SSU72: variants seen among roughly 807,000 people sequenced by gnomAD.
The protein encoded by SSU72 is RNA polymerase II subunit A C-terminal domain phosphatase SSU72.
Under a neutral mutation model 22.7 loss-of-function variants are expected in SSU72, and 12 were observed. That is an observed-to-expected ratio of 0.53 (90% CI 0.34 to 0.86). The LOEUF (loss-of-function observed/expected upper bound fraction) is 0.86. Among genes scored for constraint, SSU72 ranks in the 40% least tolerant of loss-of-function variants. The probability of loss-of-function intolerance (pLI) is 0.02; values close to 1 mark genes in which losing one functional copy is unlikely to be tolerated. For missense variants in SSU72, 151 were observed against 249.8 expected, an observed-to-expected ratio of 0.60 and a Z score of 2.67; for synonymous variants, 116 against 98.3, an observed-to-expected ratio of 1.18 and a Z score of -1.06.
chr1:1,552,086 G>T (rs549525829), intron 2 of SSU72, among the ~76,000 whole-genome samples: 16 of 152,346 alleles, frequency 1.1e-4, no homozygotes, highest in African/African-American at 3.8e-4. Context: ...TCTGCTACAC[G>T]TGTGCAGCAG....
At chr1:1,548,572 A>AAC (rs1553130678) in intron 2 of SSU72, among the ~76,000 whole-genome samples, 76 of 143,526 alleles carry the variant, frequency 5.3e-4, no homozygotes, top group East Asian at 2.6e-3. Flanking sequence ...AAAAAAAAAA[A>AAC]AAAACTCCCA....
At chr1:1,545,972 A>G in intron 2 of SSU72, 1 of 152,408 alleles carries the variant, frequency 6.6e-6, no homozygotes, top group Non-Finnish European at 1.5e-5. Context: ...GAACGCTGAC[A>G]CACACCGGCC....
chr1:1,572,963 C>A (rs1177377196), intron 1 of SSU72, among the ~76,000 whole-genome samples: 2 of 151,080 alleles, frequency 1.3e-5, no homozygotes, highest in African/African-American at 4.9e-5. Flanking sequence ...GAAGATCCAG[C>A]ACAATGTAAT....
At chr1:1,559,231 A>T (rs186984450) in intron 2 of SSU72, among the ~76,000 whole-genome samples, 11 of 152,298 alleles carry the variant, frequency 7.2e-5, no homozygotes, top group Non-Finnish European at 1.0e-4. Context: ...GAATGAGCAG[A>T]CCTGTAGCAC....
intron 2 of SSU72, among the ~76,000 whole-genome samples, chr1:1,557,583 C>T (rs1642536433): frequency 6.6e-6 from 1 of 152,076 alleles, no homozygotes; most frequent in Non-Finnish European, 1.5e-5. Flanking sequence ...CACCGGAGGT[C>T]AGGTGTTTTG....
chr1:1,571,959 T>C (rs746820759), intron 1 of SSU72, among the ~76,000 whole-genome samples: 83 of 151,082 alleles, frequency 5.5e-4, no homozygotes, highest in Non-Finnish European at 1.0e-3. Flanking sequence ...TATGCCGGGG[T>C]CATTTTTTTG....
At chr1:1,546,397 A>C (rs1642389213) in intron 2 of SSU72, 1 of 152,182 alleles carries the variant, frequency 6.6e-6, no homozygotes, top group Admixed American at 6.5e-5. Context: ...TGCACATTGG[A>C]GTCCCGCCTG....
At chr1:1,555,474 T>C (rs147616425) in intron 2 of SSU72, among the ~76,000 whole-genome samples, 3 of 152,130 alleles carry the variant, frequency 2.0e-5, no homozygotes, top group Non-Finnish European at 2.9e-5. Flanking sequence ...AGGTGGCGGC[T>C]GTGGCAGGCA....
Position 1,543,860 on chromosome 1 carries a change from G to T in SSU72, c.483+9C>A. 6.2e-7 allele frequency: 1 copy of T among 1,607,402 alleles called. No individual in the cohort carries two copies. The highest frequency in any genetic ancestry group is 8.5e-7 in the Non-Finnish European group (1 of 1,175,098). ...CTCTGCCCAGCGCGGCGCCCAGCCGGGTACTTACACACTGGCAGAGCTCAC... is the reference window on the plus strand; with the variant it reads ...CTCTGCCCAGCGCGGCGCCCAGCCGTGTACTTACACACTGGCAGAGCTCAC... On this transcript the variant is annotated intron_variant, in intron 4 of 4. Coordinates refer to ENST00000291386, the MANE Select transcript of SSU72 (RefSeq NM_014188.3).
intron 2 of SSU72, chr1:1,564,320 C>A (rs1010421035): frequency 1.5e-6 from 1 of 669,302 alleles, no homozygotes; most frequent in Non-Finnish European, 2.4e-6. Context: ...GCTCCGCCCT[C>A]TTCTTTATCT....
chr1:1,553,336 AAAT>A (rs1273106813), intron 2 of SSU72, among the ~76,000 whole-genome samples: 3 of 152,186 alleles, frequency 2.0e-5, no homozygotes, highest in Non-Finnish European at 4.4e-5. Flanking sequence ...TTATTTAAAA[AAAT>A]AATAATACAG....
intron 2 of SSU72, chr1:1,546,528 CACGCCT>C (rs1642390924): frequency 1.3e-5 from 2 of 152,216 alleles, no homozygotes; most frequent in Admixed American, 1.3e-4. Flanking sequence ...TGCGGCGGCT[CACGCCT>C]GTCATCCCAG....
chr1:1,546,791 C>T (rs1413210708), intron 2 of SSU72, among the ~76,000 whole-genome samples: 1 of 145,006 alleles, frequency 6.9e-6, no homozygotes, highest in South Asian at 2.2e-4. Flanking sequence ...TGCAGTGAGC[C>T]GAGATCACAC....
At chr1:1,556,525 G>A (rs938086129) in intron 2 of SSU72, among the ~76,000 whole-genome samples, 1 of 151,706 alleles carries the variant, frequency 6.6e-6, no homozygotes, top group Admixed American at 6.6e-5. Context: ...TGGGCAAAAA[G>A]AGCAAAACTC....
chr1:1,545,309 T>TC lies in SSU72; in HGVS notation c.225-308dup. ...GCATGACACCTTCTACCCAGACCTC[T>TC]CCCCTCACTGCTGGCCCGGCCCAAG... On this transcript the variant is annotated intron_variant, in intron 2 of 4. Coordinates refer to ENST00000291386, the MANE Select transcript of SSU72 (RefSeq NM_014188.3). 4 of 335,944 alleles carry TC rather than the reference T, an allele frequency of 1.2e-5. No individual in the cohort carries two copies. The South Asian group carries it at 1.4e-4, about 12-fold the overall frequency. The allele number at this position is 335,944 out of a possible 1,614,324, so 20.8% of individuals were successfully genotyped here. A position where few individuals can be genotyped will look rare whatever the true frequency, so the allele number is the denominator to read the frequency against.
In SSU72 at chr1:1,561,918, A is replaced by C. The variant is rs115599525; in HGVS notation, c.224+2855T>G. 9.9e-3 allele frequency: 1,504 copies of C among 151,260 alleles called. 10 individuals are homozygous for C. Among genetic ancestry groups the C allele is most frequent in the Admixed American group, 0.014 (210 of 15,156 alleles). 9.4% of individuals were successfully genotyped at this position (151,260 alleles called of 1,614,324 possible). ...GTGTCCCAGCGCCACCCCTGCTGCC[A>C]CTCCTTCCCCCCACCACACACCAAG... is the stretch of plus-strand genomic sequence containing the variant. On this transcript the variant is annotated intron_variant, in intron 2 of 4. Coordinates refer to ENST00000291386, the MANE Select transcript of SSU72 (RefSeq NM_014188.3).
rs1200896839 is a variant in SSU72, at chr1:1,542,179, G to A, written c.484-12C>T. 3 of 1,571,784 alleles carry A rather than the reference G, an allele frequency of 1.9e-6. No individual in the cohort carries two copies. The highest frequency in any genetic ancestry group is 1.7e-4 in the Middle Eastern group (1 of 6,012). The stretch of plus-strand genomic sequence containing the variant: ...TCCGTGTGCTGGATCTGCAAGGACA[G>A]GACCGTGGTGAGGGCCTTGCCCACT... On this transcript the variant is annotated splice_polypyrimidine_tract_variant and intron_variant, in intron 4 of 4. Coordinates refer to ENST00000291386, the MANE Select transcript of SSU72 (RefSeq NM_014188.3). The surrounding 1 kb of genome is among the most constrained non-coding windows in gnomAD (Gnocchi z 4.4).
chr1:1,571,505 C>T (rs953290388), intron 1 of SSU72, among the ~76,000 whole-genome samples: 2 of 151,480 alleles, frequency 1.3e-5, no homozygotes, highest in African/African-American at 4.9e-5. Context: ...TCATGATATC[C>T]ATAATAGATG....
At position 1,574,463 on chromosome 1, in the gene SSU72, G is replaced by T. The variant is rs778510349; in HGVS notation, c.80+15C>A. On this transcript the variant is annotated intron_variant, in intron 1 of 4. Coordinates refer to ENST00000291386, the MANE Select transcript of SSU72 (RefSeq NM_014188.3). ...CCGGAGCAGAGCGCGCGGGGACAGGGTGGAGCCCAACTACCTGAGGATGTT... is the reference window on the plus strand; with the variant it reads ...CCGGAGCAGAGCGCGCGGGGACAGGTTGGAGCCCAACTACCTGAGGATGTT... 3.1e-6 allele frequency: 5 copies of T among 1,591,374 alleles called. No homozygotes were observed. In the South Asian group the frequency reaches 5.7e-5, roughly 18 times the overall value.
Sources: gnomAD v4.1 joint callset for allele counts (sites outside exome capture counted in the v4.1 genomes callset) on GRCh38, gnomAD v4.1.1 for gene constraint, Gnocchi (gnomAD v3.1) non-coding constraint, MANE v1.5 for transcripts, NCBI Gene and HGNC (gene_info 2026-07-23, HGNC 2026-07-21) for gene names.